TCF4: variants seen among roughly 807,000 people sequenced by gnomAD.
TCF4 encodes transcription factor 4.
Under a neutral mutation model 82.1 loss-of-function variants are expected in TCF4, and 3 were observed. That is an observed-to-expected ratio of 0.04 (90% CI 0.02 to 0.09). TCF4 has a LOEUF of 0.09. Among genes scored for constraint, TCF4 ranks in the 10% least tolerant of loss-of-function variants. TCF4 has a pLI of 1.00. For synonymous variants in TCF4, 276 were observed against 309.6 expected, an observed-to-expected ratio of 0.89 and a Z score of 1.14; for missense variants, 518 against 852.7, an observed-to-expected ratio of 0.61 and a Z score of 4.89.
At chr18:55,377,945 C>T (rs139424882) in intron 6 of TCF4, among the ~76,000 whole-genome samples, 1 of 152,202 alleles carries the variant, frequency 6.6e-6, no homozygotes, top group African/African-American at 2.4e-5. Flanking sequence ...GACAATGTAA[C>T]ATTTTATTAA....
intron 5 of TCF4, among the ~76,000 whole-genome samples, chr18:55,434,797 T>TGTGTGTGTGTGTGTG (rs71167297): frequency 1.3e-5 from 2 of 151,558 alleles, no homozygotes; most frequent in South Asian, 2.1e-4. Context: ...TGTGTGTGTG[T>TGTGTGTGTGTGTGTG]ATTTTAATTT....
intron 6 of TCF4, chr18:55,401,376 A>G: frequency 1.8e-6 from 2 of 1,105,428 alleles, no homozygotes; most frequent in Non-Finnish European, 2.2e-6. Flanking sequence ...ATGAAGCACA[A>G]ATTAAGAATG....
intron 3 of TCF4, among the ~76,000 whole-genome samples, chr18:55,544,961 G>T (rs1465014229): frequency 2.0e-5 from 3 of 152,186 alleles, no homozygotes; most frequent in African/African-American, 4.8e-5. Context: ...TGTACATCAT[G>T]CACAGCCAGG....
intron 3 of TCF4, among the ~76,000 whole-genome samples, chr18:55,467,931 T>A (rs748396912): frequency 4.6e-5 from 7 of 152,176 alleles, no homozygotes; most frequent in Non-Finnish European, 8.8e-5. Flanking sequence ...GAGGCTCAGA[T>A]GGGTTAGAAA....
intron 8 of TCF4, among the ~76,000 whole-genome samples, chr18:55,285,746 C>G (rs1385463432): frequency 2.0e-5 from 3 of 152,188 alleles, no homozygotes; most frequent in African/African-American, 4.8e-5. Context: ...GCCGTCAGGA[C>G]AGCTATCACA....
intron 2 of TCF4, chr18:55,586,167 GCAGCAGCAGCAGCAGCAGCAGC>G: frequency 5.2e-6 from 2 of 382,024 alleles, no homozygotes; most frequent in Admixed American, 1.3e-4. Flanking sequence ...AGCAGCAGCA[GCAGCAGCAGCAGCAGCAGCAGC>G]AGCAGCAGCA....
intron 3 of TCF4, among the ~76,000 whole-genome samples, chr18:55,490,771 A>AT (rs775081366): frequency 3.9e-5 from 6 of 152,214 alleles, no homozygotes; most frequent in Non-Finnish European, 8.8e-5. Flanking sequence ...ACCATTCCAC[A>AT]TAAGTAAGTG....
intron 5 of TCF4, among the ~76,000 whole-genome samples, chr18:55,429,537 C>A (rs1238445500): frequency 2.0e-5 from 3 of 152,094 alleles, no homozygotes; most frequent in Admixed American, 6.5e-5. Flanking sequence ...CCAAGACCAG[C>A]GGATCACAAG....
intron 5 of TCF4, among the ~76,000 whole-genome samples, chr18:55,438,204 A>T (rs1348758770): frequency 1.3e-5 from 2 of 151,316 alleles, no homozygotes; most frequent in Non-Finnish European, 3.0e-5. Flanking sequence ...TCGTCTCAAA[A>T]AAAAAAAAAA....
rs144405925 is a variant in TCF4 at position 55,336,303 on chromosome 18, A to AT, written c.549+14055dup. ...AAATAGAGAGTATGTCTGTGTATAC[A>AT]TTTTTTTTTACTACTATATGAAGTA... On this transcript the variant is annotated intron_variant, in intron 8 of 19. Coordinates refer to ENST00000354452, the MANE Select transcript of TCF4 (RefSeq NM_001083962.2). Among the ~76,000 whole-genome samples, 932 of 151,208 alleles carry AT rather than the reference A, an allele frequency of 6.2e-3. 9 individuals are homozygous for AT. Among genetic ancestry groups the AT allele is most frequent in the African/African-American group, 0.022 (894 of 41,266 alleles).
At chr18:55,407,686 TATTCAACA>T (rs1424914261) in intron 5 of TCF4, among the ~76,000 whole-genome samples, 1 of 151,988 alleles carries the variant, frequency 6.6e-6, no homozygotes, top group East Asian at 1.9e-4. Context: ...TTTGCTGATC[TATTCAACA>T]ATCTTTTATC....
chr18:55,571,290 C>G (rs778570229), intron 3 of TCF4, among the ~76,000 whole-genome samples: 1 of 152,186 alleles, frequency 6.6e-6, no homozygotes. Context: ...AAGCAAGTAG[C>G]ACAAAACAAT....
chr18:55,260,038 T>C lies in TCF4; in HGVS notation c.991-11A>G, dbSNP rs759887382. On this transcript the variant is annotated splice_polypyrimidine_tract_variant and intron_variant, in intron 12 of 19. Coordinates refer to ENST00000354452, the MANE Select transcript of TCF4 (RefSeq NM_001083962.2). ...ATCTGGAGAATAGATCTTAAAACAA[T>C]AAGGAGAAAAAAAAAACACCCTCAT... 8 of 1,595,072 alleles carry C rather than the reference T, an allele frequency of 5.0e-6. No homozygotes were observed. The highest frequency in any genetic ancestry group is 6.9e-6 in the Non-Finnish European group (8 of 1,164,768).
chr18:55,437,488 C>T lies in TCF4; in HGVS notation c.304+23531G>A, dbSNP rs1022757171. Among the ~76,000 whole-genome samples, 6 of 152,102 alleles carry T rather than the reference C, an allele frequency of 3.9e-5. No individual in the cohort carries two copies. The South Asian group carries it at 1.0e-3, about 26-fold the overall frequency. On this transcript the variant is annotated intron_variant, in intron 5 of 19. Coordinates refer to ENST00000354452, the MANE Select transcript of TCF4 (RefSeq NM_001083962.2). ...ATCTAAAAATTATTAATTTTTTGCA[C>T]ACAAATATCTTAGTGGTAAATAATT... is the stretch of plus-strand genomic sequence containing the variant.
At chr18:55,322,520 A>G (rs893273339) in intron 8 of TCF4, 3 of 978,780 alleles carry the variant, frequency 3.1e-6, no homozygotes, top group Non-Finnish European at 3.6e-6. Flanking sequence ...TCAACAACCT[A>G]CAAAACGGGG....
chr18:55,228,884 C>T lies in TCF4; in HGVS notation c.1842G>A (p.Ala614=), dbSNP rs369262048. 4.3e-6 allele frequency: 7 copies of T among 1,613,952 alleles called. No individual in the cohort carries two copies. The highest frequency in any genetic ancestry group is 3.3e-5 in the Admixed American group (2 of 59,994). Reference sequence around the variant, plus strand: ...GCTCCAGACTGAGGATGACGGCCACCGCCTGGTGGAGGATCAGGAGCTTGG... The same window carrying T: ...GCTCCAGACTGAGGATGACGGCCACTGCCTGGTGGAGGATCAGGAGCTTGG... The part of the protein sequence containing the change: ...PQTKLLILHQ[A]VAVILSLEQQ... Residue 614 remains alanine (A), a synonymous_variant, in exon 18 of 20, where the codon GCG becomes GCA. Coordinates refer to ENST00000354452, the MANE Select transcript of TCF4 (RefSeq NM_001083962.2).
rs577421388 is a variant in TCF4, at chr18:55,358,137, A to G, written c.370-7134T>C. Among the ~76,000 whole-genome samples, 28 of 152,388 alleles carry G rather than the reference A, an allele frequency of 1.8e-4. No individual in the cohort carries two copies. In the East Asian group the frequency reaches 4.8e-3, roughly 26 times the overall value. On this transcript the variant is annotated intron_variant, in intron 6 of 19. Transcript: ENST00000354452. ...GAGGATATGGCAGCTAAAAGAGGAA[A>G]TGACTTCTTCATGTTTTAACTTTCT...
intron 3 of TCF4, chr18:55,519,065 T>G (rs879497591): frequency 2.0e-5 from 3 of 152,174 alleles, no homozygotes; most frequent in Admixed American, 2.0e-4. Context: ...AACAGGACAT[T>G]ATGAAAGTAA....
Position 55,464,064 on chromosome 18 carries a change from A to T in TCF4, c.207+12T>A. On this transcript the variant is annotated intron_variant, in intron 4 of 19. Transcript: ENST00000354452. Reference sequence around the variant, plus strand: ...ATGTCTGGTTGTGGGAGAAAAGATTAGATATACTTACCCTGGACGGGCTTG... The same window carrying T: ...ATGTCTGGTTGTGGGAGAAAAGATTTGATATACTTACCCTGGACGGGCTTG... 2 of 1,613,344 alleles carry T rather than the reference A, an allele frequency of 1.2e-6. No homozygotes were observed. Among genetic ancestry groups the T allele is most frequent in the Non-Finnish European group, 1.7e-6 (2 of 1,179,402 alleles).
Sources: gnomAD v4.1 joint callset for allele counts (sites outside exome capture counted in the v4.1 genomes callset) on GRCh38, gnomAD v4.1.1 for gene constraint, MANE v1.5 for transcripts, NCBI Gene and HGNC (gene_info 2026-07-23, HGNC 2026-07-21) for gene names.